PLD5: variants seen among roughly 807,000 people sequenced by gnomAD.
PLD5 encodes the protein inactive phospholipase D5.
In PLD5, 36 loss-of-function variants were observed where a neutral mutation model predicts 61.1. That is an observed-to-expected ratio of 0.59 (90% CI 0.45 to 0.78). The LOEUF (loss-of-function observed/expected upper bound fraction) is 0.78, where lower values mean the gene tolerates loss of function less well. PLD5 is among the 30% of genes least tolerant of loss of function. The pLI is 0.00. For missense variants in PLD5, 515 were observed against 644.4 expected (o/e 0.80, Z 2.17); for synonymous variants, 243 against 242.8 (o/e 1.00, Z -0.01).
chr1:242,396,197 A>T (rs1334935341), intron 1 of PLD5, among the ~76,000 whole-genome samples: 1 of 152,138 alleles, frequency 6.6e-6, no homozygotes, highest in Non-Finnish European at 1.5e-5. Flanking sequence ...CTTCTACACT[A>T]TTCATATTTT....
intron 3 of PLD5, among the ~76,000 whole-genome samples, chr1:242,285,203 T>C (rs1004893398): frequency 1.3e-5 from 2 of 152,222 alleles, no homozygotes; most frequent in Non-Finnish European, 2.9e-5. Context: ...TCTTTCTACA[T>C]CAATAACATC....
chr1:242,100,260 C>T lies in PLD5; in HGVS notation c.1354+408G>A, dbSNP rs150394398. Among the ~76,000 whole-genome samples, 32 of 152,220 alleles carry T rather than the reference C, an allele frequency of 2.1e-4. 1 individual carries two copies. Among genetic ancestry groups the T allele is most frequent in the Middle Eastern group, 3.4e-3 (1 of 294 alleles). ...ATAATTGGCTGGGAATTGGGAGTTT[C>T]GGCACTGAACCACTCCACTGCCTGC... On this transcript the variant is annotated intron_variant, in intron 9 of 9. Transcript: ENST00000536534.
intron 6 of PLD5, among the ~76,000 whole-genome samples, chr1:242,117,158 G>A (rs1230977067): frequency 6.6e-6 from 1 of 152,054 alleles, no homozygotes; most frequent in Admixed American, 6.6e-5. Context: ...AATTGGGAGG[G>A]GTGTATCCAT....
At chr1:242,202,337 G>A (rs995120275) in intron 5 of PLD5, among the ~76,000 whole-genome samples, 2 of 152,194 alleles carry the variant, frequency 1.3e-5, no homozygotes, top group Admixed American at 6.5e-5. Context: ...GACATGTGCT[G>A]AGGGTTACTA....
At chr1:242,322,153 CG>C (rs1658456021) in intron 2 of PLD5, among the ~76,000 whole-genome samples, 1 of 152,150 alleles carries the variant, frequency 6.6e-6, no homozygotes, top group Non-Finnish European at 1.5e-5. Context: ...AAGGCAGAGC[CG>C]GGGCTTCACA....
At chr1:242,336,232 C>T (rs1309666024) in intron 2 of PLD5, among the ~76,000 whole-genome samples, 1 of 152,048 alleles carries the variant, frequency 6.6e-6, no homozygotes, top group Non-Finnish European at 1.5e-5. Context: ...CTTTGGAATC[C>T]AACTTGTACT....
chr1:242,202,730 C>T lies in PLD5; in HGVS notation c.735+17258G>A, dbSNP rs1446193700. 3.3e-5 allele frequency among the ~76,000 whole-genome samples: 5 copies of T among 152,240 alleles called. No individual in the cohort carries two copies. The South Asian group carries it at 8.3e-4, about 25-fold the overall frequency. On this transcript the variant is annotated intron_variant, in intron 5 of 9. Coordinates refer to ENST00000536534, the MANE Select transcript of PLD5 (RefSeq NM_001372062.1). ...GCTACTGAACACACTCTACTTTGTGCATTCATGCATTCATTTAATAAAAAT... is the reference window on the plus strand; with the variant it reads ...GCTACTGAACACACTCTACTTTGTGTATTCATGCATTCATTTAATAAAAAT...
At chr1:242,132,903 C>G (rs1663401513) in intron 5 of PLD5, among the ~76,000 whole-genome samples, 1 of 152,036 alleles carries the variant, frequency 6.6e-6, no homozygotes, top group Non-Finnish European at 1.5e-5. Flanking sequence ...AGAATAGGGT[C>G]TGGAGGAAGG....
chr1:242,459,392 C>G (rs988199150), intron 1 of PLD5, among the ~76,000 whole-genome samples: 3 of 152,264 alleles, frequency 2.0e-5, no homozygotes, highest in African/African-American at 7.2e-5. Context: ...TAATCTTAAC[C>G]CCATTCAATG....
rs559176041 is a variant in PLD5, at chr1:242,237,188, A to G, written c.608-17073T>C. On this transcript the variant is annotated intron_variant, in intron 4 of 9. Transcript: ENST00000536534. ...AACAAACAGCTTTGGTAGATAAGTTACCAAATTCCATGATTCTCTATAAAT... is the reference window on the plus strand; with the variant it reads ...AACAAACAGCTTTGGTAGATAAGTTGCCAAATTCCATGATTCTCTATAAAT... Among the ~76,000 whole-genome samples, 15 of 152,238 alleles carry G rather than the reference A, an allele frequency of 9.9e-5. No homozygotes were observed. The South Asian group carries it at 3.1e-3, about 32-fold the overall frequency.
At chr1:242,200,988 A>G (rs1668954671) in intron 5 of PLD5, among the ~76,000 whole-genome samples, 1 of 152,232 alleles carries the variant, frequency 6.6e-6, no homozygotes, top group African/African-American at 2.4e-5. Context: ...GAACAAATGT[A>G]TCTAACACCT....
intron 1 of PLD5, among the ~76,000 whole-genome samples, chr1:242,371,613 C>G (rs1179374334): frequency 6.6e-6 from 1 of 151,994 alleles, no homozygotes; most frequent in Non-Finnish European, 1.5e-5. Context: ...TGTTTTCTTT[C>G]AAATCTCCCA....
At chr1:242,233,619 C>A (rs1251609277) in intron 4 of PLD5, among the ~76,000 whole-genome samples, 1 of 152,026 alleles carries the variant, frequency 6.6e-6, no homozygotes, top group Non-Finnish European at 1.5e-5. Context: ...AGAAAAGAAG[C>A]AAGCAAGGAA....
At chr1:242,144,757 G>C (rs1220079026) in intron 5 of PLD5, among the ~76,000 whole-genome samples, 7 of 152,006 alleles carry the variant, frequency 4.6e-5, no homozygotes, top group South Asian at 2.1e-4. Flanking sequence ...CTCCAGCCTG[G>C]GTGACAGAGT....
rs188045774 is a variant in PLD5, at chr1:242,266,172, C to T, written c.496-724G>A. On this transcript the variant is annotated intron_variant, in intron 3 of 9. Coordinates refer to ENST00000536534, the MANE Select transcript of PLD5 (RefSeq NM_001372062.1). ...AGGTGGATCACTTGAGGCCAAGAGT[C>T]TGAGACCAGTCCAGCCTGGCCAACC... Among the ~76,000 whole-genome samples the T allele has an allele frequency of 5.2e-4, 79 of 152,280 alleles. 1 individual carries two copies. The highest frequency in any genetic ancestry group is 1.8e-3 in the African/African-American group (76 of 41,568).
intron 4 of PLD5, among the ~76,000 whole-genome samples, chr1:242,243,098 C>G (rs1403214256): frequency 6.6e-6 from 1 of 152,182 alleles, no homozygotes; most frequent in Non-Finnish European, 1.5e-5. Context: ...GGAAAGGAGG[C>G]ATCTGGGGCT....
At chr1:242,434,974 A>G (rs551079161) in intron 1 of PLD5, among the ~76,000 whole-genome samples, 11 of 152,130 alleles carry the variant, frequency 7.2e-5, no homozygotes, top group African/African-American at 2.4e-4. Context: ...CTATCAACCC[A>G]TCACCTAAGT....
intron 1 of PLD5, among the ~76,000 whole-genome samples, chr1:242,418,929 G>A (rs951430872): frequency 6.6e-6 from 1 of 152,232 alleles, no homozygotes; most frequent in Non-Finnish European, 1.5e-5. Context: ...AAGATTCACT[G>A]TGATCTACGT....
At chr1:242,327,990 G>A (rs990179730) in intron 2 of PLD5, among the ~76,000 whole-genome samples, 50 of 152,176 alleles carry the variant, frequency 3.3e-4, no homozygotes, top group African/African-American at 1.2e-3. Context: ...TGGGAAGACT[G>A]CTTAAGCCCA....
Sources: gnomAD v4.1 joint callset for allele counts (sites outside exome capture counted in the v4.1 genomes callset) on GRCh38, gnomAD v4.1.1 for gene constraint, MANE v1.5 for transcripts, NCBI Gene and HGNC (gene_info 2026-07-23, HGNC 2026-07-21) for gene names.